Variants in FGL1 observed in about 807,000 individuals in gnomAD.
FGL1 encodes the protein fibrinogen like 1.
FGL1 carries 59 observed loss-of-function variants against 43.7 expected under a neutral mutation model. That is an observed-to-expected ratio of 1.35 (90% CI 1.10 to 1.68). The LOEUF (loss-of-function observed/expected upper bound fraction) is 1.68, where lower values mean the gene tolerates loss of function less well. FGL1 is among the 40% of genes most tolerant of loss of function. The pLI, the probability that FGL1 is intolerant of heterozygous loss-of-function variation, is 0.00. For synonymous variants in FGL1, 192 were observed against 126.5 expected, an observed-to-expected ratio of 1.52 and a Z score of -3.48; for missense variants, 596 against 373.0, an observed-to-expected ratio of 1.60 and a Z score of -4.92.
chr8:17,870,395 A>G (rs1389078080), intron 5 of FGL1, among the ~76,000 whole-genome samples: 1 of 152,186 alleles, frequency 6.6e-6, no homozygotes, highest in Non-Finnish European at 1.5e-5. Context: ...TATAAATCAA[A>G]TTATTAGATC....
At chr8:17,882,938 A>G (rs1442144701) in intron 2 of FGL1, among the ~76,000 whole-genome samples, 4 of 103,436 alleles carry the variant, frequency 3.9e-5, no homozygotes, top group African/African-American at 2.0e-4. Flanking sequence ...TATATAATAT[A>G]TTAAATAATA....
At chr8:17,874,222 G>T in intron 4 of FGL1, 106 bp from the exon 5 acceptor site, 4 of 1,354,014 alleles carry the variant, frequency 3.0e-6, no homozygotes, top group Non-Finnish European at 4.1e-6. Flanking sequence ...TTCTTGATTA[G>T]TTAATTCATT....
chr8:17,875,056 C>T (rs1563451883), intron 3 of FGL1, among the ~76,000 whole-genome samples: 1 of 152,168 alleles, frequency 6.6e-6, no homozygotes, highest in Non-Finnish European at 1.5e-5. Flanking sequence ...TTATCTCACC[C>T]ATGAAGCTAA....
intron 7 of FGL1, among the ~76,000 whole-genome samples, chr8:17,864,962 T>A (rs981051970): frequency 6.6e-6 from 1 of 152,094 alleles, no homozygotes; most frequent in Non-Finnish European, 1.5e-5. Flanking sequence ...AATTTTTTTT[T>A]AATAATAGAG....
At chr8:17,887,779 G>C (rs1433153566) in intron 1 of FGL1, among the ~76,000 whole-genome samples, 1 of 151,106 alleles carries the variant, frequency 6.6e-6, no homozygotes, top group African/African-American at 2.4e-5. Flanking sequence ...AGGTTGCAGT[G>C]AGCCGAGATC....
At chr8:17,869,238 A>T (rs909232455) in intron 5 of FGL1, among the ~76,000 whole-genome samples, 1 of 152,234 alleles carries the variant, frequency 6.6e-6, no homozygotes. Flanking sequence ...TGTCTACTAG[A>T]TCTCTTAGAG....
intron 3 of FGL1, among the ~76,000 whole-genome samples, chr8:17,878,102 A>G (rs2053483713): frequency 6.6e-6 from 1 of 151,900 alleles, no homozygotes; most frequent in African/African-American, 2.4e-5. Context: ...GCCTGCATGC[A>G]TGCACCACCA....
intron 3 of FGL1, among the ~76,000 whole-genome samples, chr8:17,880,721 G>C (rs1225101276): frequency 6.6e-6 from 1 of 152,134 alleles, no homozygotes; most frequent in East Asian, 1.9e-4. Context: ...TAGACATATG[G>C]ACAAAGTGCT....
intron 3 of FGL1, among the ~76,000 whole-genome samples, chr8:17,875,113 A>T (rs779109607): frequency 3.9e-5 from 6 of 152,236 alleles, no homozygotes; most frequent in Non-Finnish European, 7.3e-5. Flanking sequence ...GGTTATCCTG[A>T]CTTAGAGCAT....
At chr8:17,875,605 CT>C (rs1220542577) in intron 3 of FGL1, among the ~76,000 whole-genome samples, 3 of 137,042 alleles carry the variant, frequency 2.2e-5, no homozygotes, top group Non-Finnish European at 3.1e-5. Flanking sequence ...TTCTTTCTTT[CT>C]TTCTTTCTTT....
At chr8:17,865,695 T>A (rs1304920004) in intron 7 of FGL1, among the ~76,000 whole-genome samples, 1 of 152,234 alleles carries the variant, frequency 6.6e-6, no homozygotes, top group African/African-American at 2.4e-5. Context: ...TAAGTTTATG[T>A]GTGTTGTTAT....
chr8:17,875,714 C>T (rs1286170046), intron 3 of FGL1, among the ~76,000 whole-genome samples: 2 of 151,946 alleles, frequency 1.3e-5, no homozygotes, highest in Non-Finnish European at 2.9e-5. Context: ...AAGCGATTCT[C>T]CTGCCTCAGC....
At chr8:17,866,631 C>A (rs2053274128) in intron 7 of FGL1, among the ~76,000 whole-genome samples, 1 of 152,180 alleles carries the variant, frequency 6.6e-6, no homozygotes, top group African/African-American at 2.4e-5. Flanking sequence ...AATGGCCTTT[C>A]TTTGTGCTCC....
intron 3 of FGL1, among the ~76,000 whole-genome samples, chr8:17,880,693 A>G (rs574995798): frequency 1.9e-4 from 29 of 152,330 alleles, no homozygotes; most frequent in South Asian, 6.2e-4. Context: ...ATTACAATGT[A>G]GCATGGTAGT....
intron 1 of FGL1, among the ~76,000 whole-genome samples, chr8:17,892,970 C>G (rs2053726194): frequency 6.6e-6 from 1 of 152,162 alleles, no homozygotes. Context: ...GAGGCTGAGG[C>G]AGGCAGATCA....
chr8:17,868,392 G>A (rs532219050), intron 7 of FGL1, 156 bp downstream of exon 7: 92 of 497,978 alleles, frequency 1.8e-4, no homozygotes, highest in African/African-American at 1.7e-3. Context: ...TCCTCAAAAC[G>A]ACTTCATTGC....
rs533463708 is a variant in FGL1, at chr8:17,870,096, C to A, written c.503-1092G>T. Among the ~76,000 whole-genome samples, 13 of 151,684 alleles carry A rather than the reference C, an allele frequency of 8.6e-5. No individual in the cohort carries two copies. In the East Asian group the frequency reaches 2.5e-3, roughly 29 times the overall value. Reference sequence around the variant, plus strand: ...CTGCACTCCAGCCTGGGCGACAGAGCGAGACTCCGTCGCAAAAAACAACAA... The same window carrying A: ...CTGCACTCCAGCCTGGGCGACAGAGAGAGACTCCGTCGCAAAAAACAACAA... On this transcript the variant is annotated intron_variant, in intron 5 of 7. Transcript: ENST00000427924.
intron 2 of FGL1, 62 bp from the exon 3 acceptor site, chr8:17,882,241 T>C: frequency 6.9e-7 from 1 of 1,441,358 alleles, no homozygotes; most frequent in Admixed American, 2.2e-5. Context: ...AAGTGCTTTT[T>C]AAACATTTGG....
intron 3 of FGL1, among the ~76,000 whole-genome samples, chr8:17,875,281 T>A (rs1293836719): frequency 6.6e-6 from 1 of 152,200 alleles, no homozygotes; most frequent in Non-Finnish European, 1.5e-5. Context: ...CATAATCTTG[T>A]CAAAATCTTA....
Sources: allele counts gnomAD v4.1 joint callset (sites outside exome capture counted in the v4.1 genomes callset), GRCh38; gene constraint gnomAD v4.1.1; transcripts MANE v1.5; gene names NCBI Gene and HGNC (gene_info 2026-07-23, HGNC 2026-07-21).